Variants in KIAA0586 observed in about 807,000 individuals in gnomAD.
KIAA0586 encodes the protein KIAA0586.
KIAA0586 carries 144 observed loss-of-function variants against 169.8 expected under a neutral mutation model. That is an observed-to-expected ratio of 0.85 (90% CI 0.74 to 0.97). The LOEUF (loss-of-function observed/expected upper bound fraction) is 0.97, where lower values mean the gene tolerates loss of function less well. KIAA0586 is among the 50% of genes least tolerant of loss of function. The pLI is 0.00. For missense variants in KIAA0586, 1,854 were observed against 1,823.0 expected (o/e 1.02, Z -0.31); for synonymous variants, 625 against 612.4 (o/e 1.02, Z -0.30).
Position 58,488,691 on chromosome 14 carries a change from C to T in KIAA0586, c.3598C>T (p.Pro1200Ser). The T allele has an allele frequency of 6.2e-7, 1 of 1,613,878 alleles. No individual in the cohort carries two copies. The highest frequency in any genetic ancestry group is 8.5e-7 in the Non-Finnish European group (1 of 1,179,820). ...CCCTGCTCAGCCTCCACCTCCAGAG[C>T]CAGTTCCCTTTATGCCATTTCCTGC... Reference protein sequence around the residue: ...DFPAQPPPPEPVPFMPFPAGT... With the variant: ...DFPAQPPPPESVPFMPFPAGT... The change falls in exon 24 of 31, where the codon CCA becomes TCA. Residue 1200 changes from proline to serine, a missense_variant. Coordinates refer to ENST00000652326, the MANE Select transcript of KIAA0586 (RefSeq NM_001329943.3).
intron 7 of KIAA0586, among the ~76,000 whole-genome samples, chr14:58,449,124 C>A (rs2039143747): frequency 1.3e-5 from 2 of 152,158 alleles, no homozygotes; most frequent in Admixed American, 1.3e-4. Flanking sequence ...GAGCTACTAT[C>A]CCTTTAATGA....
chr14:58,521,165 A>T (rs1237531428), intron 29 of KIAA0586: 1 of 635,850 alleles, frequency 1.6e-6, no homozygotes, highest in Non-Finnish European at 2.8e-6. Context: ...CTTCTGTGAG[A>T]TTTTTTTGAT....
intron 4 of KIAA0586, among the ~76,000 whole-genome samples, chr14:58,438,627 C>A (rs1375538708): frequency 6.6e-6 from 1 of 152,066 alleles, no homozygotes; most frequent in East Asian, 1.9e-4. Context: ...GATATTTAAA[C>A]CCTGGGATGG....
chr14:58,488,482 A>G (rs2042621146), intron 23 of KIAA0586, 139 bp from the exon 24 acceptor site: 3 of 924,068 alleles, frequency 3.2e-6, no homozygotes, highest in South Asian at 1.9e-5. Context: ...ACTTTTAAAA[A>G]TCTTGTTAAT....
chr14:58,431,158 CA>C (rs1469511436), intron 3 of KIAA0586, among the ~76,000 whole-genome samples: 1 of 152,030 alleles, frequency 6.6e-6, no homozygotes, highest in Non-Finnish European at 1.5e-5. Flanking sequence ...TTTTTCTTCC[CA>C]AATTAAGCTA....
intron 29 of KIAA0586, among the ~76,000 whole-genome samples, chr14:58,517,274 C>T (rs1474522340): frequency 6.6e-6 from 1 of 152,164 alleles, no homozygotes; most frequent in Non-Finnish European, 1.5e-5. Flanking sequence ...CCTTACAAAA[C>T]TCAACACTAG....
At chr14:58,427,528 C>A (rs1265445187), upstream of KIAA0586, 6 of 1,491,520 alleles carry the variant, frequency 4.0e-6, no homozygotes, top group African/African-American at 2.8e-5. Flanking sequence ...CAATGTGCTA[C>A]CTTAAAATAA....
chr14:58,427,970 G>T lies in KIAA0586; in HGVS notation c.-295G>T. On this transcript the variant is annotated 5_prime_UTR_variant, in exon 1 of 31. Coordinates refer to ENST00000652326, the MANE Select transcript of KIAA0586 (RefSeq NM_001329943.3). Reference sequence around the variant, plus strand: ...TTGGTTTTGCCCTACCAGCTCTGGGGTTGGGGAGTGCACTGTTATGGTTAT... The same window carrying T: ...TTGGTTTTGCCCTACCAGCTCTGGGTTTGGGGAGTGCACTGTTATGGTTAT... 7.1e-7 allele frequency: 1 copy of T among 1,414,936 alleles called. No individual in the cohort carries two copies. The allele number at this position is 1,414,936 out of a possible 1,614,324, so 87.6% of individuals were successfully genotyped here.
chr14:58,502,065 C>T (rs2043606651), intron 27 of KIAA0586, among the ~76,000 whole-genome samples: 1 of 152,160 alleles, frequency 6.6e-6, no homozygotes, highest in African/African-American at 2.4e-5. Context: ...GTCCATAGGG[C>T]CGTGAATGAT....
intron 6 of KIAA0586, among the ~76,000 whole-genome samples, chr14:58,445,016 C>A (rs551694212): frequency 5.3e-5 from 8 of 151,314 alleles, no homozygotes; most frequent in African/African-American, 1.7e-4. Context: ...GACCTTGAGT[C>A]CAGGAGTTTG....
intron 29 of KIAA0586, among the ~76,000 whole-genome samples, chr14:58,518,034 A>G (rs1319553442): frequency 1.3e-5 from 2 of 152,276 alleles, no homozygotes; most frequent in East Asian, 1.9e-4. Flanking sequence ...AATATTATAT[A>G]TCTTGATTGG....
Position 58,482,678 on chromosome 14 carries a change from C to T in KIAA0586, c.3110C>T (p.Ser1037Phe). Residue 1037 changes from serine to phenylalanine, a missense_variant, in exon 21 of 31, where the codon TCT becomes TTT. Transcript: ENST00000652326. ...CAAGGTCCTGTTGCTACAGGTGTTT[C>T]TGGGGATGCTTCAACAAATGAAACA... The part of the protein sequence containing the change: ...KKQGPVATGV[S>F]GDASTNETYL... The T allele has an allele frequency of 6.3e-7, 1 of 1,576,130 alleles. No homozygotes were observed. The highest frequency in any genetic ancestry group is 2.3e-5 in the East Asian group (1 of 43,884).
At chr14:58,463,659 T>C (rs2040503090) in intron 14 of KIAA0586, among the ~76,000 whole-genome samples, 1 of 151,992 alleles carries the variant, frequency 6.6e-6, no homozygotes, top group Admixed American at 6.6e-5. Context: ...AGATCCTGTC[T>C]CTACAATAAA....
At chr14:58,546,424 A>G (rs748134903) in intron 30 of KIAA0586, among the ~76,000 whole-genome samples, 5 of 152,246 alleles carry the variant, frequency 3.3e-5, no homozygotes, top group Non-Finnish European at 7.3e-5. Flanking sequence ...ATAAAAATTT[A>G]ATGAAAAATT....
intron 26 of KIAA0586, 73 bp downstream of exon 26, chr14:58,492,348 T>G: frequency 7.4e-7 from 1 of 1,356,672 alleles, no homozygotes; most frequent in Admixed American, 2.8e-5. Context: ...TTCTTACTAC[T>G]AGTTAAAGCA....
chr14:58,481,116 A>T (rs1202147855), intron 20 of KIAA0586, among the ~76,000 whole-genome samples: 2 of 152,214 alleles, frequency 1.3e-5, no homozygotes, highest in Non-Finnish European at 1.5e-5. Context: ...TGCTATGGTA[A>T]CTCAAGAGCA....
intron 28 of KIAA0586, among the ~76,000 whole-genome samples, chr14:58,509,507 T>C (rs753908340): frequency 2.6e-5 from 4 of 152,174 alleles, no homozygotes; most frequent in Non-Finnish European, 5.9e-5. Flanking sequence ...CAATATTAAG[T>C]AGTTTTTTAT....
chr14:58,554,277 A>G (rs187709427), downstream of KIAA0586, among the ~76,000 whole-genome samples: 1 of 152,290 alleles, frequency 6.6e-6, no homozygotes, highest in Admixed American at 6.5e-5. Flanking sequence ...GCAGATTTGT[A>G]TAGTCGCATA....
intron 27 of KIAA0586, among the ~76,000 whole-genome samples, chr14:58,504,347 G>C (rs2043786404): frequency 1.3e-5 from 2 of 152,136 alleles, no homozygotes; most frequent in Non-Finnish European, 2.9e-5. Flanking sequence ...AAATCCCTAG[G>C]TTTCTGTCTA....
Sources: allele counts gnomAD v4.1 joint callset (sites outside exome capture counted in the v4.1 genomes callset), GRCh38; gene constraint gnomAD v4.1.1; transcripts MANE v1.5; gene names NCBI Gene and HGNC (gene_info 2026-07-23, HGNC 2026-07-21).